Variants in PIGX observed in about 807,000 individuals in gnomAD.
PIGX encodes phosphatidylinositol glycan anchor biosynthesis class X.
PIGX carries 24 observed loss-of-function variants against 28.7 expected under a neutral mutation model. The observed-to-expected ratio is 0.84, with a 90% CI of 0.60 to 1.17. The LOEUF (loss-of-function observed/expected upper bound fraction) is 1.17. Ranked by LOEUF, PIGX falls within the 50% of genes most tolerant of loss-of-function variation. The pLI is 0.00. For synonymous variants in PIGX, 127 were observed against 121.0 expected (o/e 1.05, Z -0.33); for missense variants, 305 against 317.8 (o/e 0.96, Z 0.31).
At chr3:196,715,948 T>A (rs943389487) in intron 1 of PIGX, among the ~76,000 whole-genome samples, 1 of 152,250 alleles carries the variant, frequency 6.6e-6, no homozygotes, top group Non-Finnish European at 1.5e-5. Flanking sequence ...AGCAAATGCC[T>A]GGCAGAGTTG....
Position 196,731,010 on chromosome 3 carries a change from G to C in PIGX, c.551G>C (p.Cys184Ser). 6.2e-7 allele frequency: 1 copy of C among 1,609,548 alleles called. No homozygotes were observed. Among genetic ancestry groups the C allele is most frequent in the Middle Eastern group, 1.7e-4 (1 of 6,042 alleles). Residue 184 changes from cysteine to serine, a missense_variant, in exon 5 of 6, where the codon TGC (cysteine) becomes TCC (serine). By Grantham distance (112) the Cys-to-Ser change is moderately radical (BLOSUM62 -1). Coordinates refer to ENST00000392391, the MANE Select transcript of PIGX (RefSeq NM_017861.4). The stretch of plus-strand genomic sequence containing the variant: ...TTCTCAGAGTTCCCGATTTTGAAAT[G>C]CTGGGCTCACTCAGAAGTGGCAGCC...
Position 196,734,523 on chromosome 3 carries a change from A to G in PIGX, c.*621A>G, listed in dbSNP as rs1712934240. The G allele has an allele frequency of 6.6e-6, 1 of 152,194 alleles. No individual in the cohort carries two copies. The highest frequency in any genetic ancestry group is 1.5e-5 in the Non-Finnish European group (1 of 68,052). 9.4% of individuals were successfully genotyped at this position (152,194 alleles called of 1,614,324 possible). ...GGTTCCAGAGAGCCAAGATCGCACCACTGCACTACAGCCTGGGCGACAGAA... is the reference window on the plus strand; with the variant it reads ...GGTTCCAGAGAGCCAAGATCGCACCGCTGCACTACAGCCTGGGCGACAGAA... On this transcript the variant is annotated 3_prime_UTR_variant, in exon 6 of 6. Transcript: ENST00000392391.
At position 196,732,221 on chromosome 3, in the gene PIGX, TATA is replaced by T. The variant is rs1560080472; in HGVS notation, c.633+1130_633+1132del. On this transcript the variant is annotated intron_variant, in intron 5 of 5. Transcript: ENST00000392391. Reference sequence around the variant, plus strand: ...TAACTATATGTATATATTATTTATATATATATATATATATATATATATATATAT... The same window carrying T: ...TAACTATATGTATATATTATTTATATTATATATATATATATATATATATAT... Among the ~76,000 whole-genome samples, 101 of 23,058 alleles carry T rather than the reference TATA, an allele frequency of 4.4e-3. 2 individuals carry two copies. Among genetic ancestry groups the T allele is most frequent in the Middle Eastern group, 0.021 (2 of 94 alleles). The allele number at this position is 23,058 out of a possible 152,430, so 15.1% of individuals were successfully genotyped here.
chr3:196,728,862 T>G, intron 4 of PIGX: 1 of 712,176 alleles, frequency 1.4e-6, no homozygotes, highest in East Asian at 2.5e-5. Context: ...TGCTTTTTGT[T>G]TCTTGTTATC....
Position 196,722,466 on chromosome 3 carries a change from C to G in PIGX, c.228C>G (p.Thr76=), listed in dbSNP as rs17852090. 1.2e-6 allele frequency: 2 copies of G among 1,611,972 alleles called. No individual in the cohort carries two copies. The highest frequency in any genetic ancestry group is 1.6e-4 in the Middle Eastern group (1 of 6,080). The change falls in exon 3 of 6, where the codon ACC becomes ACG. Residue 76 remains threonine (T), a synonymous_variant. Coordinates refer to ENST00000392391, the MANE Select transcript of PIGX (RefSeq NM_017861.4). ...GGGAAAGCATTGAGGACTTGCACAC[C>G]TGCCGTCTCTTAATTAAACAGGACA...
rs1480336854 is a variant in PIGX, at chr3:196,734,330, G to C, written c.*428G>C. 1.3e-5 allele frequency: 2 copies of C among 154,792 alleles called. No individual in the cohort carries two copies. Among genetic ancestry groups the C allele is most frequent in the Non-Finnish European group, 2.9e-5 (2 of 69,886 alleles). 9.6% of individuals were successfully genotyped at this position (154,792 alleles called of 1,614,324 possible). A position where few individuals can be genotyped will look rare whatever the true frequency, so the allele number is the denominator to read the frequency against. On this transcript the variant is annotated 3_prime_UTR_variant, in exon 6 of 6. Coordinates refer to ENST00000392391, the MANE Select transcript of PIGX (RefSeq NM_017861.4). ...CTCACACCTGTAATCCCAGCACTTTGGGAGGCCGAGGTGGGCGGATCACCA... is the reference window on the plus strand; with the variant it reads ...CTCACACCTGTAATCCCAGCACTTTCGGAGGCCGAGGTGGGCGGATCACCA...
At chr3:196,721,425 T>TTCTC (rs924959500) in intron 2 of PIGX, 1 of 164,036 alleles carries the variant, frequency 6.1e-6, no homozygotes, top group Admixed American at 6.5e-5. Context: ...AAAAAATATC[T>TTCTC]TCTCTCTCTC....
intron 4 of PIGX, 104 bp from the exon 5 acceptor site, chr3:196,730,888 T>C: frequency 1.6e-6 from 1 of 615,284 alleles, no homozygotes; most frequent in Non-Finnish European, 3.0e-6. Flanking sequence ...ATATACATAA[T>C]GTATTAAAAT....
chr3:196,717,026 T>TG, intron 2 of PIGX, 105 bp downstream of exon 2: 1 of 680,506 alleles, frequency 1.5e-6, no homozygotes, highest in Non-Finnish European at 2.6e-6. Context: ...TCAGGCCAGA[T>TG]GCGGTGGCTC....
chr3:196,713,284 A>C (rs908823763), intron 1 of PIGX, among the ~76,000 whole-genome samples: 2 of 134,334 alleles, frequency 1.5e-5, no homozygotes, highest in African/African-American at 2.9e-5. Context: ...AGTTTATCTA[A>C]ACAAAGGATT....
In PIGX at chr3:196,734,933, G is replaced by C. The variant is rs1056122614; in HGVS notation, c.*1031G>C. Reference sequence around the variant, plus strand: ...TCATCAGGTAATTTTTTTAAACAAAGGTTCTTCATTTACTGTTATGATTGG... The same window carrying C: ...TCATCAGGTAATTTTTTTAAACAAACGTTCTTCATTTACTGTTATGATTGG... On this transcript the variant is annotated 3_prime_UTR_variant, in exon 6 of 6. Coordinates refer to ENST00000392391, the MANE Select transcript of PIGX (RefSeq NM_017861.4). 6.6e-6 allele frequency: 1 copy of C among 151,956 alleles called. No individual in the cohort carries two copies. Among genetic ancestry groups the C allele is most frequent in the African/African-American group, 2.4e-5 (1 of 41,362 alleles). The allele number at this position is 151,956 out of a possible 1,614,324, so 9.4% of individuals were successfully genotyped here.
Position 196,733,673 on chromosome 3 carries a change from G to A in PIGX, c.634-86G>A, listed in dbSNP as rs1712906673. The A allele has an allele frequency of 1.0e-5, 10 of 992,530 alleles. No homozygotes were observed. The highest frequency in any genetic ancestry group is 1.9e-5 in the Admixed American group (1 of 53,752). 61.5% of individuals were successfully genotyped at this position (992,530 alleles called of 1,614,324 possible). ...AGCGATCTGCCCGCCTTGGCCTCCCGAAGTGCTGGGATTACAGGCATGAGC... is the reference window on the plus strand; with the variant it reads ...AGCGATCTGCCCGCCTTGGCCTCCCAAAGTGCTGGGATTACAGGCATGAGC... On this transcript the variant is annotated intron_variant, in intron 5 of 5. Coordinates refer to ENST00000392391, the MANE Select transcript of PIGX (RefSeq NM_017861.4). This position sits in a 1 kb window ranked among gnomAD's most constrained non-coding sequence, Gnocchi z 4.3.
At chr3:196,723,195 G>A (rs568908091) in intron 3 of PIGX, among the ~76,000 whole-genome samples, 3 of 152,284 alleles carry the variant, frequency 2.0e-5, no homozygotes, top group Admixed American at 2.0e-4. Context: ...ACAAAAATTA[G>A]CCAGGTGTGG....
chr3:196,721,912 C>T (rs11926820), intron 2 of PIGX, among the ~76,000 whole-genome samples: 5,928 of 152,138 alleles, frequency 0.039, 242 homozygotes, highest in Admixed American at 0.098. Context: ...CCACCATGCC[C>T]GGCTAAATTT....
chr3:196,732,288 ATTTT>A (rs59511400), intron 5 of PIGX, among the ~76,000 whole-genome samples: 1 of 45,306 alleles, frequency 2.2e-5, no homozygotes, highest in African/African-American at 9.7e-5. Flanking sequence ...TTTTTATTTT[ATTTT>A]TTTTTTTGAG....
chr3:196,719,376 A>G (rs1194227793), intron 2 of PIGX, among the ~76,000 whole-genome samples: 1 of 152,074 alleles, frequency 6.6e-6, no homozygotes, highest in Non-Finnish European at 1.5e-5. Flanking sequence ...CATGTGCACA[A>G]TGTGCAGGTT....
intron 1 of PIGX, 145 bp downstream of exon 1, chr3:196,712,789 G>T: frequency 9.0e-7 from 1 of 1,108,180 alleles, no homozygotes; most frequent in Non-Finnish European, 1.1e-6. Flanking sequence ...AGAGCCGTGT[G>T]CCCTCCTTCC....
intron 2 of PIGX, among the ~76,000 whole-genome samples, chr3:196,718,183 G>A (rs529827703): frequency 2.0e-5 from 3 of 151,988 alleles, no homozygotes; most frequent in Admixed American, 6.6e-5. Flanking sequence ...GGTGGTGGGC[G>A]CCTGTAATCC....
At chr3:196,716,269 T>C (rs1426568114) in intron 1 of PIGX, among the ~76,000 whole-genome samples, 2 of 125,796 alleles carry the variant, frequency 1.6e-5, no homozygotes, top group Non-Finnish European at 3.4e-5. Context: ...GCTTTGCTTT[T>C]TGTTTTTTTT....
Sources: allele counts gnomAD v4.1 joint callset (sites outside exome capture counted in the v4.1 genomes callset), GRCh38; gene constraint gnomAD v4.1.1; non-coding constraint Gnocchi (gnomAD v3.1); transcripts MANE v1.5; gene names NCBI Gene and HGNC (gene_info 2026-07-23, HGNC 2026-07-21).